Variants in CEP41 observed in about 807,000 individuals in gnomAD.
The protein encoded by CEP41 is centrosomal protein of 41 kDa.
In CEP41, 32 loss-of-function variants were observed where a neutral mutation model predicts 44.3. That is an observed-to-expected ratio of 0.72 (90% confidence interval 0.54 to 0.97). The LOEUF (loss-of-function observed/expected upper bound fraction) is 0.97, where lower values mean the gene tolerates loss of function less well. Among genes scored for constraint, CEP41 ranks in the 50% least tolerant of loss-of-function variants. The pLI is 0.00. For missense variants in CEP41, 432 were observed against 455.2 expected (o/e 0.95, Z 0.46); for synonymous variants, 151 against 168.5 (o/e 0.90, Z 0.80).
intron 1 of CEP41, among the ~76,000 whole-genome samples, chr7:130,431,613 G>A (rs1409195395): frequency 6.6e-6 from 1 of 152,146 alleles, no homozygotes; most frequent in Admixed American, 6.6e-5. Context: ...CTTCTGAGCT[G>A]AATTCTGAGG....
chr7:130,436,975 G>A (rs1393180480), intron 1 of CEP41, among the ~76,000 whole-genome samples: 1 of 152,178 alleles, frequency 6.6e-6, no homozygotes, highest in African/African-American at 2.4e-5. Flanking sequence ...GGAGGCGGAG[G>A]TTGTAGTGAG....
chr7:130,405,650 T>C (rs1796987047), intron 5 of CEP41, among the ~76,000 whole-genome samples: 1 of 152,134 alleles, frequency 6.6e-6, no homozygotes, highest in Non-Finnish European at 1.5e-5. Context: ...GAACCAATAT[T>C]CTCTAAATGG....
intron 10 of CEP41, chr7:130,399,259 T>G: frequency 1.7e-6 from 1 of 583,700 alleles, no homozygotes; most frequent in Non-Finnish European, 3.0e-6. Context: ...CCCAGATAGG[T>G]TTTTTTTCCC....
At chr7:130,421,443 G>A (rs1219165284) in intron 2 of CEP41, 2 of 985,248 alleles carry the variant, frequency 2.0e-6, no homozygotes, top group African/African-American at 3.5e-5. Flanking sequence ...TGATATGTGT[G>A]TATAGTGCTT....
chr7:130,408,464 G>T lies in CEP41; in HGVS notation c.277+2658C>A, dbSNP rs534735659. ...ATAAACTCCTTAAAAGAAGAAATATGTATTTATGACCAGTAAACACACACA... is the reference window on the plus strand; with the variant it reads ...ATAAACTCCTTAAAAGAAGAAATATTTATTTATGACCAGTAAACACACACA... On this transcript the variant is annotated intron_variant, in intron 5 of 10. Transcript: ENST00000223208. Among the ~76,000 whole-genome samples the T allele has an allele frequency of 7.2e-5, 11 of 152,252 alleles. 1 individual carries two copies. Among genetic ancestry groups the T allele is most frequent in the African/African-American group, 2.6e-4 (11 of 41,548 alleles).
rs1554414458 is a variant in CEP41 at position 130,396,215 on chromosome 7, TTC to T, written c.*2674_*2675del. On this transcript the variant is annotated 3_prime_UTR_variant, in exon 11 of 11. Transcript: ENST00000223208. ...TGTAGTTGTACATCGATGAAGCACC[TTC>T]TGTCTCAGGGTTCACAAGCCCCAGA... 6.6e-6 allele frequency: 3 copies of T among 454,120 alleles called. No individual in the cohort carries two copies. The highest frequency in any genetic ancestry group is 6.9e-4 in the Middle Eastern group (1 of 1,444). The allele number at this position is 454,120 out of a possible 1,614,324, so 28.1% of individuals were successfully genotyped here. A position where few individuals can be genotyped will look rare whatever the true frequency, so the allele number is the denominator to read the frequency against.
chr7:130,404,873 C>T (rs1420642585), intron 5 of CEP41, among the ~76,000 whole-genome samples, 165 bp from the exon 6 acceptor site: 2 of 152,174 alleles, frequency 1.3e-5, no homozygotes, highest in African/African-American at 2.4e-5. Flanking sequence ...CCCCAAACAT[C>T]CCCAAGGCCC....
Position 130,404,677 on chromosome 7 carries a change from A to G in CEP41, c.309T>C (p.Ala103=). The G allele has an allele frequency of 6.2e-7, 1 of 1,612,540 alleles. No homozygotes were observed. Among genetic ancestry groups the G allele is most frequent in the South Asian group, 1.1e-5 (1 of 91,050 alleles). Residue 103 remains alanine (A), a synonymous_variant, in exon 6 of 11, where the codon GCT becomes GCC. Transcript: ENST00000223208. ...DNDSAASDPD[A]ETTARTNGKG... is the part of the protein sequence containing the mutation. ...TCCCATTGGTCCTGGCAGTGGTTTCAGCATCAGGGTCTGAAGCTGCAGAAT... is the reference window on the plus strand; with the variant it reads ...TCCCATTGGTCCTGGCAGTGGTTTCGGCATCAGGGTCTGAAGCTGCAGAAT...
chr7:130,421,177 T>C, intron 2 of CEP41: 9 of 985,424 alleles, frequency 9.1e-6, no homozygotes, highest in Non-Finnish European at 1.1e-5. Flanking sequence ...GAATGAGTCA[T>C]TCATTAGATT....
At position 130,434,501 on chromosome 7, in the gene CEP41, A is replaced by G. The variant is rs55686941; in HGVS notation, c.33+6433T>C. On this transcript the variant is annotated intron_variant, in intron 1 of 10. Transcript: ENST00000223208. ...AGAGCTCTCAAAACTCAAAAGTAAAACTATTCATTGCATCAGTGTTTGTAA... is the reference window on the plus strand; with the variant it reads ...AGAGCTCTCAAAACTCAAAAGTAAAGCTATTCATTGCATCAGTGTTTGTAA... Among the ~76,000 whole-genome samples, 1,426 of 152,302 alleles carry G rather than the reference A, an allele frequency of 9.4e-3. 25 individuals are homozygous for G. Among genetic ancestry groups the G allele is most frequent in the African/African-American group, 0.033 (1,357 of 41,564 alleles).
chr7:130,400,456 C>T (rs1796808402), intron 9 of CEP41: 8 of 643,742 alleles, frequency 1.2e-5, no homozygotes, highest in Non-Finnish European at 1.9e-5. Flanking sequence ...GAGAATTCCA[C>T]AAGAAATCCT....
chr7:130,399,385 A>T, intron 10 of CEP41: 1 of 330,730 alleles, frequency 3.0e-6, no homozygotes, highest in South Asian at 3.3e-5. Flanking sequence ...GGTGAAACTA[A>T]GGTAGGAAGA....
chr7:130,413,270 C>CTCA (rs1562985392), intron 3 of CEP41, among the ~76,000 whole-genome samples: 3 of 151,984 alleles, frequency 2.0e-5, no homozygotes, highest in Non-Finnish European at 4.4e-5. Context: ...GGATTACAGG[C>CTCA]GTGAGCCAAA....
At chr7:130,407,588 T>C (rs932093734) in intron 5 of CEP41, among the ~76,000 whole-genome samples, 6 of 151,892 alleles carry the variant, frequency 4.0e-5, no homozygotes, top group East Asian at 1.9e-4. Context: ...CACAAATCAG[T>C]GGGTAAAGGG....
In CEP41 at chr7:130,397,705, C is replaced by T. The variant is rs908187734; in HGVS notation, c.*1186G>A. 1 of 454,230 alleles carries T rather than the reference C, an allele frequency of 2.2e-6. No individual in the cohort carries two copies. The highest frequency in any genetic ancestry group is 1.6e-5 in the South Asian group (1 of 64,378). 28.1% of individuals were successfully genotyped at this position (454,230 alleles called of 1,614,324 possible). ...ACAGACCATAAAAATTAACACCGCT[C>T]TTTTCCATCTGATTTCAGAGTTCCT... is the stretch of plus-strand genomic sequence containing the variant. On this transcript the variant is annotated 3_prime_UTR_variant, in exon 11 of 11. Coordinates refer to ENST00000223208, the MANE Select transcript of CEP41 (RefSeq NM_018718.3).
Position 130,401,893 on chromosome 7 carries a change from A to G in CEP41, c.630T>C (p.Asp210=). 1.9e-6 allele frequency: 3 copies of G among 1,598,700 alleles called. No individual in the cohort carries two copies. Among genetic ancestry groups the G allele is most frequent in the Non-Finnish European group, 2.6e-6 (3 of 1,165,950 alleles). The part of the protein sequence containing the change: ...LSRTMNPYSN[D]ILEYKNAHGK... ...CAACAAAGGATACATATTCAAGAAT[A>G]TCATTTGAATAAGGGTTCATTGTTC... Residue 210 remains aspartate (D), a synonymous_variant, in exon 8 of 11, where the codon GAT becomes GAC. Coordinates refer to ENST00000223208, the MANE Select transcript of CEP41 (RefSeq NM_018718.3).
In CEP41 at chr7:130,397,023, G is replaced by C; in HGVS notation, c.*1868C>G. 2.2e-6 allele frequency: 1 copy of C among 454,460 alleles called. No individual in the cohort carries two copies. Among genetic ancestry groups the C allele is most frequent in the South Asian group, 1.6e-5 (1 of 64,462 alleles). 28.2% of individuals were successfully genotyped at this position (454,460 alleles called of 1,614,324 possible). A position where few individuals can be genotyped will look rare whatever the true frequency, so the allele number is the denominator to read the frequency against. On this transcript the variant is annotated 3_prime_UTR_variant, in exon 11 of 11. Transcript: ENST00000223208. ...ACAGCATAACCAGAACTTTCTTACA[G>C]AGAAAAATCTTTTTTCCTTAAAAAT...
At chr7:130,402,487 T>A (rs1554417203) in intron 7 of CEP41, among the ~76,000 whole-genome samples, 161 bp downstream of exon 7, 2 of 151,684 alleles carry the variant, frequency 1.3e-5, no homozygotes, top group African/African-American at 4.9e-5. Flanking sequence ...CTCTCAAGAG[T>A]ATTTTATGGT....
intron 3 of CEP41, among the ~76,000 whole-genome samples, chr7:130,412,546 G>C (rs1797215043): frequency 6.6e-6 from 1 of 151,850 alleles, no homozygotes; most frequent in African/African-American, 2.4e-5. Flanking sequence ...TCTCTACTTC[G>C]ACCACATTGT....
Sources: allele counts gnomAD v4.1 joint callset (sites outside exome capture counted in the v4.1 genomes callset), GRCh38; gene constraint gnomAD v4.1.1; transcripts MANE v1.5; gene names NCBI Gene and HGNC (gene_info 2026-07-23, HGNC 2026-07-21).